Variants in NOTCH2 observed in about 807,000 individuals in gnomAD.
NOTCH2 encodes notch receptor 2, also known as neurogenic locus notch homolog protein 2.
Under a neutral mutation model 235.8 loss-of-function variants are expected in NOTCH2, and 29 were observed. That is an observed-to-expected ratio of 0.12 (90% CI 0.09 to 0.17). The LOEUF (loss-of-function observed/expected upper bound fraction) is 0.17. NOTCH2 is among the 10% of genes least tolerant of loss of function. The probability of loss-of-function intolerance (pLI) is 1.00; values close to 1 mark genes in which losing one functional copy is unlikely to be tolerated. For synonymous variants in NOTCH2, 1,086 were observed against 1,141.5 expected, an observed-to-expected ratio of 0.95 and a Z score of 0.98; for missense variants, 2,285 against 3,150.2, an observed-to-expected ratio of 0.73 and a Z score of 6.57.
chr1:119,918,438 C>A lies in NOTCH2; in HGVS notation c.5897G>T (p.Cys1966Phe). 2 of 1,614,180 alleles carry A rather than the reference C, an allele frequency of 1.2e-6. No individual in the cohort carries two copies. Among genetic ancestry groups the A allele is most frequent in the Non-Finnish European group, 1.7e-6 (2 of 1,180,042 alleles). Residue 1966 changes from cysteine to phenylalanine, a missense_variant, in exon 32 of 34, where the codon TGC (cysteine) becomes TTC (phenylalanine). Around this residue, in one of 6 missense-constraint regions of NOTCH2, gnomAD observed 128 missense variants for 255.9 expected, o/e 0.50. Transcript: ENST00000256646. ...VEGMVAELINCQADVNAVDDH... is the reference protein window; with the variant it reads ...VEGMVAELINFQADVNAVDDH... ...ATCCACTGCATTCACATCCGCTTGG[C>A]AGTTGATCAGTTCTGCCACCATTCC...
chr1:119,996,916 A>C lies in NOTCH2; in HGVS notation c.751+81T>G. The C allele has an allele frequency of 5.2e-6, 8 of 1,549,258 alleles. No individual in the cohort carries two copies. The South Asian group carries it at 9.2e-5, about 18-fold the overall frequency. ...CTTCCCTTTTTCCTTGGGCTTCCTA[A>C]AAACAGCAATTGAGCCACACCCACT... On this transcript the variant is annotated intron_variant, in intron 4 of 33. Coordinates refer to ENST00000256646, the MANE Select transcript of NOTCH2 (RefSeq NM_024408.4).
intron 6 of NOTCH2, 21 bp from the exon 7 acceptor site, chr1:119,968,253 G>A (rs1192466336): frequency 1.2e-6 from 2 of 1,612,266 alleles, no homozygotes; most frequent in Non-Finnish European, 8.5e-7. Context: ...GTGGGGCAAA[G>A]GACAACTAAG....
chr1:119,953,919 T>C (rs1650584515), intron 13 of NOTCH2, among the ~76,000 whole-genome samples: 1 of 152,212 alleles, frequency 6.6e-6, no homozygotes, highest in African/African-American at 2.4e-5. Context: ...GAAATTATAA[T>C]GAAATTTCTT....
At position 119,914,952 on chromosome 1, in the gene NOTCH2, G is replaced by A. The variant is rs1042888286; in HGVS notation, c.*354C>T. On this transcript the variant is annotated 3_prime_UTR_variant, in exon 34 of 34. Coordinates refer to ENST00000256646, the MANE Select transcript of NOTCH2 (RefSeq NM_024408.4). Reference sequence around the variant, plus strand: ...TAGTGTAGAATCTTCTCATGGATATGGCAGAAGCCTGCAGGGCTTAAAATG... The same window carrying A: ...TAGTGTAGAATCTTCTCATGGATATAGCAGAAGCCTGCAGGGCTTAAAATG... The A allele has an allele frequency of 2.4e-6, 1 of 422,792 alleles. No homozygotes were observed. Among genetic ancestry groups the A allele is most frequent in the African/African-American group, 2.0e-5 (1 of 50,844 alleles). 26.2% of individuals were successfully genotyped at this position (422,792 alleles called of 1,614,324 possible).
intron 5 of NOTCH2, among the ~76,000 whole-genome samples, chr1:119,980,032 A>T (rs989415372): frequency 6.6e-6 from 1 of 152,158 alleles, no homozygotes; most frequent in African/African-American, 2.4e-5. Context: ...CATGTGGCTT[A>T]TGTTCTCGCT....
At chr1:119,945,919 G>T (rs1035987146) in intron 17 of NOTCH2, among the ~76,000 whole-genome samples, 1 of 151,850 alleles carries the variant, frequency 6.6e-6, no homozygotes, top group Non-Finnish European at 1.5e-5. Flanking sequence ...ATAGAACACT[G>T]TATGAAAAAA....
rs2101141668 is a variant in NOTCH2, at chr1:119,915,564, G to C, written c.7158C>G (p.Pro2386=). 6.2e-7 allele frequency: 1 copy of C among 1,614,076 alleles called. No homozygotes were observed. The highest frequency in any genetic ancestry group is 8.5e-7 in the Non-Finnish European group (1 of 1,180,038). The change falls in exon 34 of 34, where the codon CCC becomes CCG. Residue 2386 remains proline (P), a synonymous_variant. Coordinates refer to ENST00000256646, the MANE Select transcript of NOTCH2 (RefSeq NM_024408.4). ...AGGAAGCATAACTGTGCTGTGAAGG[G>C]GGTGTGGGGTACTTGCCCACAGAGG... The part of the protein sequence containing the change: ...FPASVGKYPT[P]PSQHSYASSN...
intron 14 of NOTCH2, among the ~76,000 whole-genome samples, chr1:119,952,771 G>A (rs1468775900): frequency 1.3e-5 from 2 of 152,192 alleles, no homozygotes; most frequent in Admixed American, 6.5e-5. Flanking sequence ...GAGGACCTCC[G>A]GTGTAGACCA....
chr1:120,023,467 T>G (rs1328825928), intron 2 of NOTCH2, among the ~76,000 whole-genome samples: 1 of 135,348 alleles, frequency 7.4e-6, no homozygotes. Context: ...AACTATGTCC[T>G]CTTCATGTCA....
rs774812565 is a variant in NOTCH2, at chr1:119,915,712, G to A, written c.7010C>T (p.Pro2337Leu). Residue 2337 changes from proline (P) to leucine (L), a missense_variant, in exon 34 of 34, where the codon CCC becomes CTC. Pro to Leu is a moderately conservative substitution (Grantham distance 98). Around this residue, in one of 6 missense-constraint regions of NOTCH2, gnomAD observed 504 missense variants for 538.0 expected, o/e 0.94. Transcript: ENST00000256646. ...CATTTCTGGAATCTGGTACATGGTGGGCAGGGGGCCCGCAACAGCTGGAGG... is the reference window on the plus strand; with the variant it reads ...CATTTCTGGAATCTGGTACATGGTGAGCAGGGGGCCCGCAACAGCTGGAGG... ...TCPPAVAGPL[P>L]TMYQIPEMAR... is the part of the protein sequence containing the mutation. 1.9e-6 allele frequency: 3 copies of A among 1,610,012 alleles called. No individual in the cohort carries two copies. Among genetic ancestry groups the A allele is most frequent in the Non-Finnish European group, 2.5e-6 (3 of 1,177,286 alleles).
intron 1 of NOTCH2, among the ~76,000 whole-genome samples, chr1:120,053,579 GC>G (rs1553214803): frequency 7.9e-6 from 1 of 127,056 alleles, no homozygotes; most frequent in African/African-American, 3.6e-5. Context: ...ATTTTTAAAA[GC>G]TTTTGATTCA....
rs1553206160 is a variant in NOTCH2 at position 120,005,504 on chromosome 1, C to T, written c.240G>A (p.Val80=). Residue 80 remains valine (V), a synonymous_variant, in exon 3 of 34, where the codon GTG becomes GTA. Coordinates refer to ENST00000256646, the MANE Select transcript of NOTCH2 (RefSeq NM_024408.4). ...TGGCTTTCCCCAGCATGGCCTGGGC[C>T]ACACAAGTCCCACCATTCTGGCAGC... ...KNRCQNGGTC[V]AQAMLGKATC... 2 of 1,612,634 alleles carry T rather than the reference C, an allele frequency of 1.2e-6. No individual in the cohort carries two copies. The highest frequency in any genetic ancestry group is 4.5e-5 in the East Asian group (2 of 44,798).
At chr1:120,055,679 A>C (rs1436528877) in intron 1 of NOTCH2, among the ~76,000 whole-genome samples, 2 of 150,764 alleles carry the variant, frequency 1.3e-5, no homozygotes, top group African/African-American at 4.9e-5. Context: ...TAAATCGGCA[A>C]AATAAAATTT....
chr1:119,989,018 G>A (rs1285142277), intron 4 of NOTCH2, among the ~76,000 whole-genome samples: 1 of 152,180 alleles, frequency 6.6e-6, no homozygotes, highest in Non-Finnish European at 1.5e-5. Context: ...TATTGTTGAG[G>A]TACTTTTTCC....
At chr1:119,931,237 A>C (rs587752134) in intron 22 of NOTCH2, among the ~76,000 whole-genome samples, 56 of 152,234 alleles carry the variant, frequency 3.7e-4, no homozygotes, top group African/African-American at 1.3e-3. Context: ...AAAAGCAATT[A>C]CCAAATTACC....
At chr1:120,004,953 T>C (rs1214191762) in intron 3 of NOTCH2, among the ~76,000 whole-genome samples, 1 of 152,142 alleles carries the variant, frequency 6.6e-6, no homozygotes, top group African/African-American at 2.4e-5. Flanking sequence ...TGTTTTATTT[T>C]TATTCTTGTT....
intron 14 of NOTCH2, 59 bp downstream of exon 14, chr1:119,953,484 C>A: frequency 6.4e-7 from 1 of 1,551,316 alleles, no homozygotes; most frequent in Non-Finnish European, 8.9e-7. Context: ...GTGAGTCAAG[C>A]AGTATGCAAC....
chr1:119,981,228 G>A (rs960341958), intron 5 of NOTCH2, among the ~76,000 whole-genome samples: 3 of 141,770 alleles, frequency 2.1e-5, no homozygotes, highest in African/African-American at 7.4e-5. Flanking sequence ...CACTCTTCTC[G>A]ATCACCTTCC....
intron 27 of NOTCH2, 92 bp from the exon 28 acceptor site, chr1:119,922,538 A>G (rs2101155352): frequency 6.2e-7 from 1 of 1,600,790 alleles, no homozygotes; most frequent in East Asian, 2.2e-5. Context: ...CTTTGACCTC[A>G]ACAGTCCTGA....
Sources: gnomAD v4.1 joint callset for allele counts (sites outside exome capture counted in the v4.1 genomes callset) on GRCh38, gnomAD v4.1.1 for gene constraint, gnomAD v4.1.1 regional missense constraint, MANE v1.5 for transcripts, NCBI Gene and HGNC (gene_info 2026-07-23, HGNC 2026-07-21) for gene names.